The following TBXAS1 variants were observed in gnomAD, a reference collection of about 807,000 sequenced individuals.
TBXAS1 encodes thromboxane A synthase 1.
In TBXAS1, 48 loss-of-function variants were observed where a neutral mutation model predicts 60.7. The observed-to-expected ratio is 0.79, with a 90% CI of 0.63 to 1.01. The LOEUF (loss-of-function observed/expected upper bound fraction) is 1.01, where lower values mean the gene tolerates loss of function less well. Among genes scored for constraint, TBXAS1 ranks in the 50% least tolerant of loss-of-function variants. The pLI is 0.00. For synonymous variants in TBXAS1, 287 were observed against 269.7 expected (o/e 1.06, Z -0.63); for missense variants, 685 against 686.3 (o/e 1.00, Z 0.02).
chr7:139,938,915 C>T (rs1011335352), intron 5 of TBXAS1, among the ~76,000 whole-genome samples: 1 of 152,238 alleles, frequency 6.6e-6, no homozygotes, highest in African/African-American at 2.4e-5. Flanking sequence ...CCTTTAACCC[C>T]TTACAGGGGA....
chr7:139,933,314 A>G (rs1205150896), intron 4 of TBXAS1, among the ~76,000 whole-genome samples: 2 of 152,208 alleles, frequency 1.3e-5, no homozygotes, highest in African/African-American at 2.4e-5. Flanking sequence ...AGATCCAATC[A>G]GCCTTCACTC....
chr7:139,973,180 C>A (rs895483428), intron 9 of TBXAS1, among the ~76,000 whole-genome samples: 1 of 152,186 alleles, frequency 6.6e-6, no homozygotes, highest in Non-Finnish European at 1.5e-5. Context: ...ACATCTAGGG[C>A]AGCTTCCCAT....
intron 4 of TBXAS1, among the ~76,000 whole-genome samples, chr7:139,920,650 C>A (rs1806395186): frequency 6.6e-6 from 1 of 152,180 alleles, no homozygotes. Context: ...AGGGCGGCAA[C>A]CCCAGTTACC....
At position 140,000,569 on chromosome 7, in the gene TBXAS1, T is replaced by A. The variant is rs192972860; in HGVS notation, c.1135-6522T>A. ...GGAAAGACTAAGAGACCAAGAATCT[T>A]AGGAATAAAATTAGAAGTTACTGCC... On this transcript the variant is annotated intron_variant, in intron 9 of 12. Transcript: ENST00000448866. Among the ~76,000 whole-genome samples the A allele has an allele frequency of 3.0e-4, 46 of 152,270 alleles. 1 individual carries two copies. The East Asian group carries it at 8.7e-3, about 29-fold the overall frequency.
intron 3 of TBXAS1, among the ~76,000 whole-genome samples, chr7:139,876,867 A>G (rs1802271370): frequency 6.6e-6 from 1 of 151,972 alleles, no homozygotes; most frequent in Non-Finnish European, 1.5e-5. Context: ...ACTTGGCTGG[A>G]TGGCTCCGCT....
upstream of TBXAS1, chr7:139,778,328 T>TTG (rs572338191): frequency 0.017 from 2,606 of 151,138 alleles, 31 homozygotes; most frequent in Non-Finnish European, 0.03. The surrounding 1 kb of genome is among the most constrained non-coding windows in gnomAD (Gnocchi z 4.8). Flanking sequence ...CCCCAGAACT[T>TTG]TGTGTGTGTG....
intron 5 of TBXAS1, among the ~76,000 whole-genome samples, chr7:139,937,140 G>A (rs148371798): frequency 6.6e-6 from 1 of 152,268 alleles, no homozygotes; most frequent in East Asian, 1.9e-4. Flanking sequence ...TTGCTGTTCT[G>A]AATTGTGCAA....
intron 4 of TBXAS1, among the ~76,000 whole-genome samples, chr7:139,806,246 T>TTTTA (rs1554466359): frequency 7.3e-6 from 1 of 137,078 alleles, no homozygotes; most frequent in Non-Finnish European, 1.5e-5. Context: ...GCCTATGTTA[T>TTTTA]TTTATTTTAT....
rs1348774158 is a variant in TBXAS1 at position 139,896,133 on chromosome 7, C to T, written c.237-15092C>T. On this transcript the variant is annotated intron_variant, in intron 3 of 12. Transcript: ENST00000448866. The surrounding 1 kb of genome is among the most constrained non-coding windows in gnomAD (Gnocchi z 4.0). ...TCCACTTGCTCTTAAGGGTGAGGCG[C>T]TCTGCTAGCTTCTCAGGGATGCACG... 1.3e-5 allele frequency among the ~76,000 whole-genome samples: 2 copies of T among 152,186 alleles called. No individual in the cohort carries two copies. Among genetic ancestry groups the T allele is most frequent in the African/African-American group, 4.8e-5 (2 of 41,456 alleles).
At chr7:139,805,694 CTTTCTTTCTTTCTT>C (rs1403970222) in intron 4 of TBXAS1, among the ~76,000 whole-genome samples, 8 of 30,822 alleles carry the variant, frequency 2.6e-4, no homozygotes, top group East Asian at 1.2e-3. Context: ...TTCTTTCTTT[CTTTCTTTCTTTCTT>C]TCTTTCTCTC....
At chr7:140,014,456 G>A (rs1814860494) in intron 10 of TBXAS1, among the ~76,000 whole-genome samples, 1 of 152,176 alleles carries the variant, frequency 6.6e-6, no homozygotes, top group Non-Finnish European at 1.5e-5. Flanking sequence ...AGTTGAATCT[G>A]GGAGGGCAGA....
At chr7:139,849,903 A>G (rs1800093851) in intron 1 of TBXAS1, among the ~76,000 whole-genome samples, 1 of 152,246 alleles carries the variant, frequency 6.6e-6, no homozygotes. Context: ...CAGTAAATTT[A>G]TGGATGTTGT....
intron 9 of TBXAS1, among the ~76,000 whole-genome samples, chr7:139,989,942 C>T (rs1184144497): frequency 6.6e-6 from 1 of 152,202 alleles, no homozygotes; most frequent in Non-Finnish European, 1.5e-5. Flanking sequence ...TAGAATCAAG[C>T]CGACTTGGCT....
At chr7:139,845,123 A>T (rs1799712071) in intron 1 of TBXAS1, among the ~76,000 whole-genome samples, 1 of 152,102 alleles carries the variant, frequency 6.6e-6, no homozygotes, top group Non-Finnish European at 1.5e-5. Flanking sequence ...TGAGGACTTC[A>T]AAATCACTCC....
chr7:139,893,722 A>G (rs890382166), intron 3 of TBXAS1, among the ~76,000 whole-genome samples: 4 of 151,722 alleles, frequency 2.6e-5, no homozygotes, highest in African/African-American at 9.7e-5. Context: ...TCTCTTAATT[A>G]CTCTTTTTTT....
At chr7:139,800,776 G>T (rs1239743611) in intron 4 of TBXAS1, among the ~76,000 whole-genome samples, 1 of 152,046 alleles carries the variant, frequency 6.6e-6, no homozygotes, top group Non-Finnish European at 1.5e-5. Flanking sequence ...GAGTGTTTGT[G>T]ACCTTCTCAT....
chr7:139,864,166 G>C (rs1312168147), intron 1 of TBXAS1, among the ~76,000 whole-genome samples: 2 of 151,198 alleles, frequency 1.3e-5, no homozygotes, highest in African/African-American at 2.4e-5. Context: ...TATCAGCATA[G>C]GAAATCAAAG....
intron 9 of TBXAS1, among the ~76,000 whole-genome samples, chr7:139,996,878 C>G (rs1813337762): frequency 6.6e-6 from 1 of 152,182 alleles, no homozygotes; most frequent in Admixed American, 6.5e-5. Context: ...CTCTTTCAGC[C>G]CCTTTTCCCA....
intron 4 of TBXAS1, among the ~76,000 whole-genome samples, chr7:139,805,095 C>G (rs566758622): frequency 7.5e-4 from 115 of 152,348 alleles, no homozygotes; most frequent in Non-Finnish European, 1.4e-3. Context: ...ATGGGTGTAG[C>G]AGGGATCCTG....
Sources: gnomAD v4.1 joint callset for allele counts (sites outside exome capture counted in the v4.1 genomes callset) on GRCh38, gnomAD v4.1.1 for gene constraint, Gnocchi (gnomAD v3.1) non-coding constraint, MANE v1.5 for transcripts, NCBI Gene and HGNC (gene_info 2026-07-23, HGNC 2026-07-21) for gene names.